MID1: variants seen among roughly 807,000 people sequenced by gnomAD.
MID1 encodes midline 1, also known as E3 ubiquitin-protein ligase Midline-1.
A neutral mutation model predicts 40.4 loss-of-function variants in MID1; 7 were observed. The ratio of observed to expected loss-of-function variants is 0.17; its 90% CI spans 0.10 to 0.33. MID1 has a LOEUF of 0.33. Among genes scored for constraint, MID1 ranks in the 10% least tolerant of loss-of-function variants. The pLI is 1.00. For synonymous variants in MID1, 229 were observed against 221.2 expected, an observed-to-expected ratio of 1.04 and a Z score of -0.31; for missense variants, 367 against 558.5, an observed-to-expected ratio of 0.66 and a Z score of 3.46.
intron 2 of MID1, among the ~76,000 whole-genome samples, chrX:10,559,683 G>A (rs769078280): frequency 9.0e-6 from 1 of 111,274 alleles, no homozygotes; most frequent in South Asian, 3.8e-4. Flanking sequence ...CTCAGGACTG[G>A]GGTCAGTACC....
At chrX:10,590,974 G>C (rs1404146452) in intron 1 of MID1, among the ~76,000 whole-genome samples, 2 of 111,398 alleles carry the variant, frequency 1.8e-5, no homozygotes, top group African/African-American at 6.5e-5. Flanking sequence ...TGCATTTTAA[G>C]TGTGAGTTTC....
At chrX:10,683,456 C>T (rs2043072617) in intron 1 of MID1, among the ~76,000 whole-genome samples, 1 of 110,717 alleles carries the variant, frequency 9.0e-6, no homozygotes, top group South Asian at 3.9e-4. Context: ...GTGGGAGGAT[C>T]GCTTGAGCTC....
At chrX:10,450,011 T>TC (rs1334389386) in intron 9 of MID1, among the ~76,000 whole-genome samples, 2 of 110,504 alleles carry the variant, frequency 1.8e-5, no homozygotes, top group Admixed American at 9.6e-5. Context: ...CTGCTTTTTT[T>TC]CACTCTTATA....
intron 1 of MID1, among the ~76,000 whole-genome samples, chrX:10,755,902 T>C (rs1235433074): frequency 8.9e-6 from 1 of 112,183 alleles, no homozygotes; most frequent in African/African-American, 3.2e-5. Context: ...AGTTTGCTTC[T>C]GTTTTCTGTT....
intron 2 of MID1, among the ~76,000 whole-genome samples, chrX:10,531,592 G>A (rs1313096381): frequency 8.9e-6 from 1 of 112,134 alleles, no homozygotes; most frequent in Non-Finnish European, 1.9e-5. Context: ...CACAGAATCT[G>A]TTCCATATAT....
intron 1 of MID1, among the ~76,000 whole-genome samples, chrX:10,706,412 CCACA>C (rs2043231699): frequency 1.8e-5 from 2 of 110,761 alleles, no homozygotes; most frequent in Admixed American, 1.9e-4. Flanking sequence ...CCCATAATCC[CCACA>C]TGTCATGGGA....
At chrX:10,521,293 A>T (rs1270309381) in intron 3 of MID1, among the ~76,000 whole-genome samples, 2 of 110,384 alleles carry the variant, frequency 1.8e-5, no homozygotes, top group African/African-American at 6.6e-5. Flanking sequence ...TCGACATGAG[A>T]TTGGGGCGGG....
intron 1 of MID1, among the ~76,000 whole-genome samples, chrX:10,704,716 GTATATATATATA>G (rs771605675): frequency 1.3e-5 from 1 of 78,079 alleles, no homozygotes; most frequent in Admixed American, 1.6e-4. Context: ...GTGTGTGTGT[GTATATATATATA>G]TATATATATA....
At chrX:10,531,787 G>C (rs992267858) in intron 2 of MID1, among the ~76,000 whole-genome samples, 2 of 111,802 alleles carry the variant, frequency 1.8e-5, no homozygotes, top group Non-Finnish European at 3.8e-5. Context: ...ATGACGACTA[G>C]TTATTTCCAG....
chrX:10,594,687 G>A (rs1024848397), intron 1 of MID1, among the ~76,000 whole-genome samples: 1 of 111,822 alleles, frequency 8.9e-6, no homozygotes, highest in Non-Finnish European at 1.9e-5. Flanking sequence ...TGTGTGTGAA[G>A]TTGTCCTTCC....
chrX:10,456,145 A>C (rs1218220843), intron 8 of MID1, among the ~76,000 whole-genome samples: 2 of 112,512 alleles, frequency 1.8e-5, no homozygotes, highest in Non-Finnish European at 3.8e-5. Flanking sequence ...GTGGCAATAC[A>C]CGATGCTGGG....
At position 10,469,684 on chromosome X, in the gene MID1, A is replaced by G. The variant is rs767268521; in HGVS notation, c.1285+13T>C. ...CACCAAAGACAGAAATAAATAGGCC[A>G]TGAGATACTCACTAACGACGTTGGC... On this transcript the variant is annotated intron_variant, in intron 7 of 9. Coordinates refer to ENST00000317552, the MANE Select transcript of MID1 (RefSeq NM_000381.4). 9.9e-6 allele frequency: 12 copies of G among 1,211,861 alleles called. No homozygotes were observed. In the South Asian group the frequency reaches 1.6e-4, roughly 16 times the overall value.
At chrX:10,585,448 A>C (rs1338687810) in intron 1 of MID1, among the ~76,000 whole-genome samples, 5 of 112,118 alleles carry the variant, frequency 4.5e-5, no homozygotes, top group Non-Finnish European at 9.4e-5. Context: ...TGCTCGGCTA[A>C]TTGCAAAAAC....
chrX:10,762,517 T>C lies in MID1; in HGVS notation c.-187+71037A>G, dbSNP rs199751396. On this transcript the variant is annotated intron_variant, in intron 1 of 10. Transcript: ENST00000380785. Reference sequence around the variant, plus strand: ...TTTCCAATATCGGCTCACTGCAGCCTCAACCTCCTGGGCTCAAGTGATCCT... The same window carrying C: ...TTTCCAATATCGGCTCACTGCAGCCCCAACCTCCTGGGCTCAAGTGATCCT... Among the ~76,000 whole-genome samples the C allele has an allele frequency of 3.6e-4, 39 of 109,301 alleles. No individual in the cohort carries two copies. In the East Asian group the frequency reaches 9.8e-3, roughly 27 times the overall value. 94.9% of individuals were successfully genotyped at this position (109,301 alleles called of 115,157 possible). A position where few individuals can be genotyped will look rare whatever the true frequency, so the allele number is the denominator to read the frequency against.
At chrX:10,503,746 C>T (rs1168654274) in intron 3 of MID1, among the ~76,000 whole-genome samples, 1 of 111,739 alleles carries the variant, frequency 8.9e-6, no homozygotes, top group African/African-American at 3.3e-5. Flanking sequence ...AAAAAAATAG[C>T]TCCGAGGAAC....
chrX:10,826,802 A>T (rs1161845095), intron 1 of MID1, among the ~76,000 whole-genome samples: 1 of 112,464 alleles, frequency 8.9e-6, no homozygotes, highest in Admixed American at 9.4e-5. Flanking sequence ...ACTGTTATTT[A>T]CTTGAATGCA....
chrX:10,531,912 G>A (rs919644348), intron 2 of MID1, among the ~76,000 whole-genome samples: 24 of 111,778 alleles, frequency 2.1e-4, no homozygotes, highest in East Asian at 8.4e-4. Context: ...TTTTGAGAAT[G>A]GATATCACAT....
intron 3 of MID1, among the ~76,000 whole-genome samples, chrX:10,510,830 C>CAAAAAAAAAAAAAAAAAAAA (rs1185825614): frequency 8.4e-5 from 2 of 23,946 alleles, no homozygotes; most frequent in Non-Finnish European, 1.5e-4. Context: ...GACTCTGTCT[C>CAAAAAAAAAAAAAAAAAAAA]AAAAAAAAAA....
At chrX:10,506,426 T>C in intron 3 of MID1, 1 of 818,558 alleles carries the variant, frequency 1.2e-6, no homozygotes, top group Non-Finnish European at 1.8e-6. Context: ...CAAGACCACC[T>C]TGGGCAACTG....
Sources: allele counts gnomAD v4.1 joint callset (sites outside exome capture counted in the v4.1 genomes callset), GRCh38; gene constraint gnomAD v4.1.1; transcripts MANE v1.5; gene names NCBI Gene and HGNC (gene_info 2026-07-23, HGNC 2026-07-21).